SUPT6H: variants seen among roughly 807,000 people sequenced by gnomAD.
SUPT6H encodes the protein SPT6 homolog, histone chaperone and transcription elongation factor.
In SUPT6H, 11 loss-of-function variants were observed where a neutral mutation model predicts 222.3. The ratio of observed to expected loss-of-function variants is 0.05; its 90% CI spans 0.03 to 0.08. SUPT6H has a LOEUF of 0.08. Ranked by LOEUF, SUPT6H falls within the 10% of genes least tolerant of loss-of-function variation. The probability of loss-of-function intolerance (pLI) is 1.00; values close to 1 mark genes in which losing one functional copy is unlikely to be tolerated. For synonymous variants in SUPT6H, 762 were observed against 801.2 expected, an observed-to-expected ratio of 0.95 and a Z score of 0.83; for missense variants, 1,422 against 2,216.0, an observed-to-expected ratio of 0.64 and a Z score of 7.19.
Position 28,701,103 on chromosome 17 carries a change from T to C in SUPT6H, c.4969T>C (p.Ser1657Pro). 6.2e-7 allele frequency: 1 copy of C among 1,611,712 alleles called. No individual in the cohort carries two copies. Among genetic ancestry groups the C allele is most frequent in the Non-Finnish European group, 8.5e-7 (1 of 1,179,396 alleles). Residue 1657 changes from serine to proline, a missense_variant, in exon 36 of 37, where the codon TCC becomes CCC. This residue lies in a region of SUPT6H where 395 missense variants were observed against 580.6 expected (regional missense o/e 0.68). Coordinates refer to ENST00000314616, the MANE Select transcript of SUPT6H (RefSeq NM_003170.5). ...AQAQPQPSSS[S>P]RQRQQQPKSN... ...GGCCCAGCCCCAGCCCTCTTCCAGC[T>C]CCCGGCAACGGCAGCAGCAGCCAAA...
chr17:28,665,052 T>C (rs1231659382), intron 1 of SUPT6H, among the ~76,000 whole-genome samples: 1 of 152,218 alleles, frequency 6.6e-6, no homozygotes, highest in Non-Finnish European at 1.5e-5. Context: ...CAGTTCATTT[T>C]CCATGTAACA....
intron 27 of SUPT6H, 27 bp downstream of exon 27, chr17:28,691,090 A>C: frequency 6.2e-7 from 1 of 1,605,680 alleles, no homozygotes; most frequent in Non-Finnish European, 8.5e-7. Flanking sequence ...TATCCTGCTC[A>C]GTGGATTTCC....
chr17:28,686,487 A>G, intron 20 of SUPT6H, 72 bp downstream of exon 20: 1 of 1,574,410 alleles, frequency 6.4e-7, no homozygotes, highest in Non-Finnish European at 8.7e-7. Flanking sequence ...AGTCTGGCAT[A>G]TGCCCATAAC....
chr17:28,664,655 C>G lies in SUPT6H; in HGVS notation c.-32+2313C>G, dbSNP rs74336022. ...TAAATCTCTAGTCCAGCCCTCTCCT[C>G]TATGTTGCAGAATCACGCGTCAAAA... On this transcript the variant is annotated intron_variant, in intron 1 of 36. Coordinates refer to ENST00000314616, the MANE Select transcript of SUPT6H (RefSeq NM_003170.5). Among the ~76,000 whole-genome samples, 235 of 152,326 alleles carry G rather than the reference C, an allele frequency of 1.5e-3. 1 individual carries two copies. The highest frequency in any genetic ancestry group is 1.9e-3 in the Non-Finnish European group (132 of 68,030).
chr17:28,693,722 G>A lies in SUPT6H; in HGVS notation c.3660G>A (p.Ser1220=), dbSNP rs375203638. 42 of 1,614,030 alleles carry A rather than the reference G, an allele frequency of 2.6e-5. No homozygotes were observed. The highest frequency in any genetic ancestry group is 3.3e-5 in the Admixed American group (2 of 60,002). The change falls in exon 28 of 37, where the codon TCG becomes TCA. Residue 1220 remains serine, a synonymous_variant. Coordinates refer to ENST00000314616, the MANE Select transcript of SUPT6H (RefSeq NM_003170.5). ...TGTGGAACCACTTTGACAGCGGTTC[G>A]TGCCCAGGCCAGGCCATCGGTGTCA... ...SEVWNHFDSG[S]CPGQAIGVKT...
In SUPT6H at chr17:28,682,978, C is replaced by G. The variant is rs774039124; in HGVS notation, c.1764C>G (p.Ala588=). The G allele has an allele frequency of 1.2e-6, 2 of 1,613,314 alleles. No homozygotes were observed. The highest frequency in any genetic ancestry group is 8.5e-7 in the Non-Finnish European group (1 of 1,179,694). The part of the protein sequence containing the change: ...FPTPEAVLEG[A]RYMVALQIAR... ...CTCCAGAAGCTGTGCTAGAAGGCGC[C>G]CGCTACATGGTAGCCCTGCAGATTG... Residue 588 remains alanine (A), a synonymous_variant, in exon 15 of 37, where the codon GCC becomes GCG. Coordinates refer to ENST00000314616, the MANE Select transcript of SUPT6H (RefSeq NM_003170.5).
chr17:28,681,949 C>T lies in SUPT6H; in HGVS notation c.1566C>T (p.Asp522=). 6.2e-7 allele frequency: 1 copy of T among 1,608,136 alleles called. No homozygotes were observed. The highest frequency in any genetic ancestry group is 1.3e-5 in the African/African-American group (1 of 74,978). Residue 522 remains aspartate (D), a synonymous_variant, in exon 13 of 37, where the codon GAC becomes GAT. Coordinates refer to ENST00000314616, the MANE Select transcript of SUPT6H (RefSeq NM_003170.5). The part of the protein sequence containing the change: ...GPELKQASRR[D]MYTICQSAGL... ...AGCTCAAGCAAGCCTCTCGCCGAGA[C>T]ATGTACACCATCTGCCAGAGTGCTG...
chr17:28,683,192 G>A (rs1167634132), intron 15 of SUPT6H, 76 bp from the exon 16 acceptor site: 2 of 1,577,944 alleles, frequency 1.3e-6, no homozygotes, highest in Non-Finnish European at 1.7e-6. Flanking sequence ...GTGTCTGAAA[G>A]CAGAAAGGCT....
At chr17:28,664,332 AC>A (rs1190500264) in intron 1 of SUPT6H, among the ~76,000 whole-genome samples, 1 of 152,004 alleles carries the variant, frequency 6.6e-6, no homozygotes, top group Non-Finnish European at 1.5e-5. Flanking sequence ...GCATGGTGAA[AC>A]CCCATCTCTA....
In SUPT6H at chr17:28,699,856, T is replaced by G. The variant is rs1203106950; in HGVS notation, c.4524T>G (p.Phe1508Leu). 1 of 1,614,080 alleles carries G rather than the reference T, an allele frequency of 6.2e-7. No homozygotes were observed. The highest frequency in any genetic ancestry group is 8.5e-7 in the Non-Finnish European group (1 of 1,180,026). The change falls in exon 33 of 37, where the codon TTT becomes TTG. Residue 1508 changes from phenylalanine (F) to leucine (L), a missense_variant. Phe to Leu is a conservative substitution (Grantham distance 22). Transcript: ENST00000314616. ...TCTTCCCAACCGTGAATGGACTGTTTAGATGGTTTAAGGATCACTACCAGG... is the reference window on the plus strand; with the variant it reads ...TCTTCCCAACCGTGAATGGACTGTTGAGATGGTTTAAGGATCACTACCAGG... ...GQIFPTVNGL[F>L]RWFKDHYQDP...
chr17:28,675,860 G>A (rs1248430095), intron 6 of SUPT6H, among the ~76,000 whole-genome samples: 4 of 152,182 alleles, frequency 2.6e-5, no homozygotes, highest in African/African-American at 7.2e-5. Context: ...AGGGAATACT[G>A]TAATGCCTTA....
At chr17:28,679,958 C>A (rs2030998195) in intron 11 of SUPT6H, among the ~76,000 whole-genome samples, 1 of 143,132 alleles carries the variant, frequency 7.0e-6, no homozygotes, top group Non-Finnish European at 1.5e-5. Context: ...CCACTGCACT[C>A]CAGGCCTGGG....
intron 11 of SUPT6H, among the ~76,000 whole-genome samples, chr17:28,679,929 G>A (rs1300715854): frequency 1.4e-5 from 2 of 146,720 alleles, no homozygotes; most frequent in African/African-American, 2.5e-5. Flanking sequence ...TGCAGAGGTT[G>A]CAGCGAGCCG....
At chr17:28,679,643 G>T (rs916596470) in intron 11 of SUPT6H, among the ~76,000 whole-genome samples, 2 of 151,728 alleles carry the variant, frequency 1.3e-5, no homozygotes, top group African/African-American at 4.8e-5. Context: ...GCCTCCCAAA[G>T]TGCTGGGATT....
intron 1 of SUPT6H, among the ~76,000 whole-genome samples, chr17:28,668,970 G>A (rs895672866): frequency 4.6e-5 from 7 of 152,122 alleles, no homozygotes; most frequent in African/African-American, 1.4e-4. Flanking sequence ...TTACTATACC[G>A]CATCTCTTTA....
intron 22 of SUPT6H, 27 bp from the exon 23 acceptor site, chr17:28,687,277 T>A (rs755622828): frequency 2.5e-6 from 4 of 1,614,034 alleles, no homozygotes; most frequent in Non-Finnish European, 3.4e-6. Context: ...CAGAGTAACC[T>A]TACTCCTGCC....
chr17:28,677,880 T>C (rs2030855056), intron 8 of SUPT6H, 64 bp downstream of exon 8: 1 of 1,440,986 alleles, frequency 6.9e-7, no homozygotes, highest in Admixed American at 1.7e-5. Context: ...GATGGGGAGC[T>C]CTTCCTCCCC....
At chr17:28,675,515 A>G (rs1204253163) in intron 6 of SUPT6H, 30 bp downstream of exon 6, 14 of 1,611,764 alleles carry the variant, frequency 8.7e-6, no homozygotes, top group Non-Finnish European at 1.2e-5. Flanking sequence ...AGGTGGGGAT[A>G]AAGTGATTGA....
Position 28,678,949 on chromosome 17 carries a change from C to T in SUPT6H, c.1335C>T (p.Thr445=), listed in dbSNP as rs2030920730. 1.4e-5 allele frequency: 23 copies of T among 1,614,182 alleles called. No homozygotes were observed. The highest frequency in any genetic ancestry group is 1.9e-5 in the Non-Finnish European group (23 of 1,180,042). The part of the protein sequence containing the change: ...PLADGIRALD[T]TDMERLKDVQ... ...CTGATGGCATCCGGGCTCTGGACAC[C>T]ACTGACATGGAGAGGTAAAACATGC... The change falls in exon 11 of 37, where the codon ACC becomes ACT. Residue 445 remains threonine, a synonymous_variant. Coordinates refer to ENST00000314616, the MANE Select transcript of SUPT6H (RefSeq NM_003170.5).
Sources: gnomAD v4.1 joint callset for allele counts (sites outside exome capture counted in the v4.1 genomes callset) on GRCh38, gnomAD v4.1.1 for gene constraint, gnomAD v4.1.1 regional missense constraint, MANE v1.5 for transcripts, NCBI Gene and HGNC (gene_info 2026-07-23, HGNC 2026-07-21) for gene names.